HEMK2: variants seen among roughly 807,000 people sequenced by gnomAD.
HEMK2 encodes the protein HemK methyltransferase 2, ETF1 glutamine and histone H4 lysine.
chr21:28,696,438 T>G, the HEMK2 span, among the ~76,000 whole-genome samples: 1 of 152,220 alleles, frequency 6.6e-6, no homozygotes, highest in Non-Finnish European at 1.5e-5. Context: ...ATGTCTCGCA[T>G]CCAGGTTGCA....
the HEMK2 span, among the ~76,000 whole-genome samples, chr21:28,697,984 AACAGTGTCTT>A: frequency 2.6e-5 from 4 of 152,032 alleles, no homozygotes; most frequent in African/African-American, 9.7e-5. Context: ...CTGGCTCATA[AACAGTGTCTT>A]TTTACTGTGT....
chr21:28,833,682 C>T, the HEMK2 span, among the ~76,000 whole-genome samples: 1 of 152,242 alleles, frequency 6.6e-6, no homozygotes, highest in South Asian at 2.1e-4. Context: ...CATATGCCCA[C>T]GTTTAGGGAA....
chr21:28,701,595 CAGACA>C, the HEMK2 span, among the ~76,000 whole-genome samples: 1 of 147,044 alleles, frequency 6.8e-6, no homozygotes, highest in Non-Finnish European at 1.5e-5. Context: ...CACACACACA[CAGACA>C]AAACCTAGAA....
chr21:28,881,064 A>G, the HEMK2 span, among the ~76,000 whole-genome samples: 1 of 152,126 alleles, frequency 6.6e-6, no homozygotes, highest in Non-Finnish European at 1.5e-5. Context: ...TTTTGCCTAT[A>G]AAAAGGTATT....
chr21:28,594,654 T>A, the HEMK2 span, among the ~76,000 whole-genome samples: 1 of 152,202 alleles, frequency 6.6e-6, no homozygotes, highest in South Asian at 2.1e-4. Flanking sequence ...ATTTCAAAAC[T>A]AATTTTCTCC....
chr21:28,612,101 A>T, the HEMK2 span, among the ~76,000 whole-genome samples: 5 of 151,500 alleles, frequency 3.3e-5, no homozygotes, highest in Non-Finnish European at 5.9e-5. Flanking sequence ...TAACACCAAA[A>T]CCAGGAAAGG....
the HEMK2 span, among the ~76,000 whole-genome samples, chr21:28,619,089 A>G: frequency 1.3e-5 from 2 of 152,180 alleles, no homozygotes; most frequent in Non-Finnish European, 1.5e-5. Context: ...GAGGGAAGAT[A>G]ATATGAAGAC....
At chr21:28,793,201 T>C in the HEMK2 span, among the ~76,000 whole-genome samples, 1 of 152,222 alleles carries the variant, frequency 6.6e-6, no homozygotes, top group Non-Finnish European at 1.5e-5. Context: ...TTTGAGCCAC[T>C]AGTCAAGAGA....
the HEMK2 span, among the ~76,000 whole-genome samples, chr21:28,605,285 T>C: frequency 6.6e-6 from 1 of 152,214 alleles, no homozygotes; most frequent in Non-Finnish European, 1.5e-5. Context: ...GTCTCAAATA[T>C]ATTGAAAGCG....
the HEMK2 span, among the ~76,000 whole-genome samples, chr21:28,648,076 T>A: frequency 6.6e-6 from 1 of 152,362 alleles, no homozygotes; most frequent in Non-Finnish European, 1.5e-5. Context: ...GATTTCTTAA[T>A]GGTGTTTTAT....
chr21:28,599,111 G>A, the HEMK2 span, among the ~76,000 whole-genome samples: 1 of 152,184 alleles, frequency 6.6e-6, no homozygotes, highest in Admixed American at 6.5e-5. Flanking sequence ...ATAGTTGAGA[G>A]GATTCAGAAG....
the HEMK2 span, among the ~76,000 whole-genome samples, chr21:28,760,722 T>C: frequency 6.6e-6 from 1 of 152,174 alleles, no homozygotes; most frequent in Non-Finnish European, 1.5e-5. Context: ...CATCTTATGA[T>C]GGCCCCTTCA....
chr21:28,848,847 C>T, the HEMK2 span, among the ~76,000 whole-genome samples: 7 of 151,692 alleles, frequency 4.6e-5, no homozygotes, highest in Admixed American at 4.6e-4. Flanking sequence ...AGCAGTCTTA[C>T]ACCCATCAGT....
At chr21:28,833,937 TC>T in the HEMK2 span, among the ~76,000 whole-genome samples, 1 of 152,226 alleles carries the variant, frequency 6.6e-6, no homozygotes, top group Non-Finnish European at 1.5e-5. Flanking sequence ...TCATGACTGC[TC>T]TTTGACCAGC....
the HEMK2 span, among the ~76,000 whole-genome samples, chr21:28,680,712 A>T: frequency 4.5e-4 from 68 of 152,266 alleles, no homozygotes; most frequent in Admixed American, 8.5e-4. Flanking sequence ...CATGATCAAG[A>T]GGGCTTCATC....
the HEMK2 span, among the ~76,000 whole-genome samples, chr21:28,748,416 AT>A: frequency 6.6e-6 from 1 of 152,284 alleles, no homozygotes; most frequent in Non-Finnish European, 1.5e-5. Context: ...CAAAAGTATC[AT>A]ACTGCTTTTA....
chr21:28,866,167 A>AAAAAAAC, the HEMK2 span, among the ~76,000 whole-genome samples: 1 of 115,440 alleles, frequency 8.7e-6, no homozygotes, highest in Non-Finnish European at 1.8e-5. Flanking sequence ...AAAACAAACA[A>AAAAAAAC]AAAAAAAAAC....
the HEMK2 span, among the ~76,000 whole-genome samples, chr21:28,804,631 G>C: frequency 6.6e-6 from 1 of 151,984 alleles, no homozygotes; most frequent in Non-Finnish European, 1.5e-5. Context: ...ATTTTTAAAG[G>C]TAATACATAT....
At chr21:28,824,196 A>ATTG in the HEMK2 span, among the ~76,000 whole-genome samples, 1 of 152,104 alleles carries the variant, frequency 6.6e-6, no homozygotes, top group East Asian at 1.9e-4. Flanking sequence ...AGCATCAGTC[A>ATTG]TTGTTGTTGT....
Sources: gnomAD v4.1 joint callset for allele counts (sites outside exome capture counted in the v4.1 genomes callset) on GRCh38, gnomAD v4.1.1 for gene constraint, MANE v1.5 for transcripts, NCBI Gene and HGNC (gene_info 2026-07-23, HGNC 2026-07-21) for gene names.